The following SHB variants were observed in gnomAD, a reference collection of about 807,000 sequenced individuals.
The protein encoded by SHB is SH2 domain containing adaptor protein B, also known as SH2 domain-containing adapter protein B.
A neutral mutation model predicts 52.3 loss-of-function variants in SHB; 20 were observed. That is an observed-to-expected ratio of 0.38 (90% confidence interval 0.27 to 0.56). The LOEUF (loss-of-function observed/expected upper bound fraction) is 0.56. SHB is among the 20% of genes least tolerant of loss of function. The pLI is 0.71. For missense variants in SHB, 825 were observed against 723.3 expected, an observed-to-expected ratio of 1.14 and a Z score of -1.61; for synonymous variants, 397 against 316.5, an observed-to-expected ratio of 1.25 and a Z score of -2.70.
intron 2 of SHB, among the ~76,000 whole-genome samples, chr9:37,979,333 T>G (rs779293554): frequency 6.6e-6 from 1 of 152,174 alleles, no homozygotes; most frequent in African/African-American, 2.4e-5. Context: ...ACTACATACA[T>G]AGAAAGAAAA....
At chr9:37,933,280 C>A (rs1832333838) in intron 5 of SHB, among the ~76,000 whole-genome samples, 1 of 152,260 alleles carries the variant, frequency 6.6e-6, no homozygotes, top group East Asian at 1.9e-4. Context: ...CTGAAGTCCA[C>A]TGAAAGCTAA....
Position 37,917,094 on chromosome 9 carries a change from G to A in SHB, c.*2727C>T, listed in dbSNP as rs957998969. Among the ~76,000 whole-genome samples, 2 of 151,420 alleles carry A rather than the reference G, an allele frequency of 1.3e-5. No individual in the cohort carries two copies. Among genetic ancestry groups the A allele is most frequent in the African/African-American group, 2.4e-5 (1 of 41,240 alleles). Reference sequence around the variant, plus strand: ...CCAAACCAAAGCCAGTAACCTGAATGTGAGTGTTTCTGAAAGGGAAAAGCT... The same window carrying A: ...CCAAACCAAAGCCAGTAACCTGAATATGAGTGTTTCTGAAAGGGAAAAGCT... On this transcript the variant is annotated 3_prime_UTR_variant, in exon 6 of 6. Coordinates refer to ENST00000377707, the MANE Select transcript of SHB (RefSeq NM_003028.3).
intron 3 of SHB, among the ~76,000 whole-genome samples, chr9:37,967,029 G>C (rs1193041027): frequency 3.3e-5 from 5 of 152,206 alleles, no homozygotes; most frequent in Admixed American, 3.3e-4. Flanking sequence ...CAAGGCAGCA[G>C]TGGAGAGAAC....
rs1240158872 is a variant in SHB, at chr9:37,916,289, T to C, written c.*3532A>G. 6.6e-6 allele frequency among the ~76,000 whole-genome samples: 1 copy of C among 152,268 alleles called. No individual in the cohort carries two copies. Among genetic ancestry groups the C allele is most frequent in the African/African-American group, 2.4e-5 (1 of 41,480 alleles). On this transcript the variant is annotated 3_prime_UTR_variant, in exon 6 of 6. Transcript: ENST00000377707. ...TCGGCCATGACCCTTCACGGGTGTCTGTGGGCCAACACCAAACGCCAGCCT... is the reference window on the plus strand; with the variant it reads ...TCGGCCATGACCCTTCACGGGTGTCCGTGGGCCAACACCAAACGCCAGCCT...
intron 1 of SHB, among the ~76,000 whole-genome samples, chr9:38,053,406 T>G (rs527881689): frequency 1.3e-5 from 2 of 152,004 alleles, no homozygotes; most frequent in African/African-American, 4.8e-5. Flanking sequence ...CCCAGCTAAT[T>G]TTTTGTATTT....
intron 2 of SHB, among the ~76,000 whole-genome samples, chr9:38,004,495 G>A (rs1821056774): frequency 6.6e-6 from 1 of 152,188 alleles, no homozygotes; most frequent in Non-Finnish European, 1.5e-5. Flanking sequence ...GGGGGACCAG[G>A]CCAGAGGTGT....
intron 1 of SHB, among the ~76,000 whole-genome samples, chr9:38,066,464 C>T (rs562132412): frequency 8.5e-5 from 13 of 152,326 alleles, no homozygotes; most frequent in African/African-American, 3.1e-4. Flanking sequence ...TGACCAAACA[C>T]AGGCCCAGGG....
intron 3 of SHB, among the ~76,000 whole-genome samples, chr9:37,956,573 G>GT (rs1832637634): frequency 6.6e-6 from 1 of 152,112 alleles, no homozygotes; most frequent in Non-Finnish European, 1.5e-5. Context: ...CCCCCGCATG[G>GT]GCCCAGGACC....
chr9:38,009,732 G>T (rs1420570460), intron 2 of SHB, among the ~76,000 whole-genome samples: 1 of 152,218 alleles, frequency 6.6e-6, no homozygotes, highest in African/African-American at 2.4e-5. Flanking sequence ...GGCTTCATCT[G>T]GACGGTGCCT....
intron 3 of SHB, among the ~76,000 whole-genome samples, chr9:37,964,343 C>T (rs1201211494): frequency 6.6e-6 from 1 of 152,180 alleles, no homozygotes; most frequent in African/African-American, 2.4e-5. Flanking sequence ...ATGTCCAAAC[C>T]TGGGATGGGG....
At chr9:37,991,702 G>A (rs10814636) in intron 2 of SHB, among the ~76,000 whole-genome samples, 65,089 of 152,074 alleles carry the variant, frequency 0.43, 14,310 homozygotes, top group Middle Eastern at 0.51. Context: ...CACTCTCCTG[G>A]AAGCTTGATA....
intron 1 of SHB, among the ~76,000 whole-genome samples, chr9:38,022,375 T>A (rs1469956669): frequency 6.6e-6 from 1 of 152,224 alleles, no homozygotes; most frequent in Non-Finnish European, 1.5e-5. Flanking sequence ...ATTATTCACC[T>A]GGCTAAAAAT....
intron 2 of SHB, among the ~76,000 whole-genome samples, chr9:37,992,389 G>A (rs539099915): frequency 7.2e-5 from 11 of 152,122 alleles, no homozygotes; most frequent in Non-Finnish European, 1.3e-4. Flanking sequence ...CAACAAGAGC[G>A]AAATTCCATC....
intron 2 of SHB, among the ~76,000 whole-genome samples, chr9:38,003,077 C>T (rs1821038491): frequency 6.6e-6 from 1 of 152,180 alleles, no homozygotes; most frequent in Non-Finnish European, 1.5e-5. Context: ...CTCCTAATTT[C>T]TGGGTGTAAA....
rs546550079 is a variant in SHB, at chr9:38,024,129, C to T, written c.718-7998G>A. 2.6e-5 allele frequency among the ~76,000 whole-genome samples: 4 copies of T among 152,332 alleles called. No homozygotes were observed. In the East Asian group the frequency reaches 7.7e-4, roughly 29 times the overall value. On this transcript the variant is annotated intron_variant, in intron 1 of 5. Transcript: ENST00000377707. ...CTGGCTTGCCTCAAAGTTCAAAGCC[C>T]CCTCTTGCATCATGAAGGCCCCTGC...
chr9:37,936,093 G>A (rs371039741), intron 5 of SHB, among the ~76,000 whole-genome samples: 2 of 151,748 alleles, frequency 1.3e-5, no homozygotes, highest in East Asian at 3.9e-4. Flanking sequence ...ATGCACACCT[G>A]TAATCCCAGC....
In SHB at chr9:37,919,764, G is replaced by T. The variant is rs376842220; in HGVS notation, c.*57C>A. 3.5e-6 allele frequency: 5 copies of T among 1,436,694 alleles called. No individual in the cohort carries two copies. In the Admixed American group the frequency reaches 5.2e-5, roughly 15 times the overall value. 89.0% of individuals were successfully genotyped at this position (1,436,694 alleles called of 1,614,324 possible). The stretch of plus-strand genomic sequence containing the variant: ...CAGTGGCTGGGCTGGTTGGTGGGGG[G>T]CCTCTGGCACCTCCAAGTCTCAGGC... On this transcript the variant is annotated 3_prime_UTR_variant, in exon 6 of 6. Coordinates refer to ENST00000377707, the MANE Select transcript of SHB (RefSeq NM_003028.3).
At position 38,063,764 on chromosome 9, in the gene SHB, T is replaced by TA. The variant is rs368082474; in HGVS notation, c.717+4164dup. ...TACTTCTCTCTGAATTCCCTCTGCC[T>TA]AGCAGGCAGTTTAGAAACTGTTTGC... On this transcript the variant is annotated intron_variant, in intron 1 of 5. Transcript: ENST00000377707. 3.9e-3 allele frequency among the ~76,000 whole-genome samples: 589 copies of TA among 151,734 alleles called. 2 individuals carry two copies. The highest frequency in any genetic ancestry group is 0.013 in the African/African-American group (551 of 41,378).
intron 1 of SHB, among the ~76,000 whole-genome samples, chr9:38,043,591 T>C (rs763889249): frequency 2.6e-5 from 4 of 152,070 alleles, no homozygotes; most frequent in East Asian, 3.9e-4. Context: ...TCCCCTGCCA[T>C]AGAAATCATC....
Sources: allele counts gnomAD v4.1 joint callset (sites outside exome capture counted in the v4.1 genomes callset), GRCh38; gene constraint gnomAD v4.1.1; transcripts MANE v1.5; gene names NCBI Gene and HGNC (gene_info 2026-07-23, HGNC 2026-07-21).